Variants in PCDHGC4 observed in about 807,000 individuals in gnomAD.
The protein encoded by PCDHGC4 is protocadherin gamma subfamily C, 4.
Under a neutral mutation model 59.7 loss-of-function variants are expected in PCDHGC4, and 15 were observed. The observed-to-expected ratio is 0.25, with a 90% CI of 0.17 to 0.39. PCDHGC4 has a LOEUF of 0.39. Ranked by LOEUF, PCDHGC4 falls within the 10% of genes least tolerant of loss-of-function variation. The pLI, the probability that PCDHGC4 is intolerant of heterozygous loss-of-function variation, is 1.00. For missense variants in PCDHGC4, 1,016 were observed against 1,189.5 expected (o/e 0.85, Z 2.15); for synonymous variants, 434 against 481.4 (o/e 0.90, Z 1.29).
At position 141,512,630 on chromosome 5, in the gene PCDHGC4, G is replaced by C. The variant is rs1335322474; in HGVS notation, c.*1457G>C. On this transcript the variant is annotated 3_prime_UTR_variant, in exon 4 of 4. Transcript: ENST00000306593. ...GGGGCTGCCAGAGAACCCCAGACCT[G>C]CCCTTACAGTAGTGTAGCGCCCCCT... The C allele has an allele frequency of 6.5e-6, 1 of 152,888 alleles. No individual in the cohort carries two copies. Among genetic ancestry groups the C allele is most frequent in the Non-Finnish European group, 1.5e-5 (1 of 68,576 alleles). 9.5% of individuals were successfully genotyped at this position (152,888 alleles called of 1,614,324 possible).
Position 141,485,113 on chromosome 5 carries a change from T to G in PCDHGC4, c.-61T>G. On this transcript the variant is annotated 5_prime_UTR_variant, in exon 1 of 4. Transcript: ENST00000306593. This position sits in a 1 kb window ranked among gnomAD's most constrained non-coding sequence, Gnocchi z 5.7. ...AGGTGTCTCCAGCTGCTGTGGCTGTTTGGGGCGGGTCGGCTTCATCCGCGT... is the reference window on the plus strand; with the variant it reads ...AGGTGTCTCCAGCTGCTGTGGCTGTGTGGGGCGGGTCGGCTTCATCCGCGT... 1 of 1,286,014 alleles carries G rather than the reference T, an allele frequency of 7.8e-7. No individual in the cohort carries two copies. Among genetic ancestry groups the G allele is most frequent in the Non-Finnish European group, 1.1e-6 (1 of 898,642 alleles). 79.7% of individuals were successfully genotyped at this position (1,286,014 alleles called of 1,614,324 possible). A position where few individuals can be genotyped will look rare whatever the true frequency, so the allele number is the denominator to read the frequency against.
rs1485520054 is a variant in PCDHGC4 at position 141,511,210 on chromosome 5, C to T, written c.*37C>T. 6.2e-7 allele frequency: 1 copy of T among 1,609,328 alleles called. No individual in the cohort carries two copies. The highest frequency in any genetic ancestry group is 1.3e-5 in the African/African-American group (1 of 74,896). ...GGCCAAGAGCCACAGGGCGGCCTCT[C>T]CCCAACCAGCCCAGCTTCTCCTTAC... On this transcript the variant is annotated 3_prime_UTR_variant, in exon 4 of 4. Transcript: ENST00000306593.
chr5:141,497,544 T>C (rs1410779650), intron 2 of PCDHGC4, among the ~76,000 whole-genome samples: 4 of 150,796 alleles, frequency 2.7e-5, no homozygotes, highest in African/African-American at 9.8e-5. Flanking sequence ...ACAAACCTTT[T>C]TTTTTTTTTT....
chr5:141,485,666 A>G lies in PCDHGC4; in HGVS notation c.493A>G (p.Asn165Asp). ...GGCTCAGGATGCAGATGTGGGGAGC[A>G]ATTCGATTAGCAGCTATAGGCTGAG... Reference protein sequence around the residue: ...EKAQDADVGSNSISSYRLSSN... With the variant: ...EKAQDADVGSDSISSYRLSSN... The change falls in exon 1 of 4, where the codon AAT (asparagine) becomes GAT (aspartate). Residue 165 changes from asparagine to aspartate, a missense_variant. Coordinates refer to ENST00000306593, the MANE Select transcript of PCDHGC4 (RefSeq NM_018928.3). The surrounding 1 kb of genome is among the most constrained non-coding windows in gnomAD (Gnocchi z 5.7). 1 of 1,612,786 alleles carries G rather than the reference A, an allele frequency of 6.2e-7. No homozygotes were observed. Among genetic ancestry groups the G allele is most frequent in the Non-Finnish European group, 8.5e-7 (1 of 1,178,960 alleles).
rs375127524 is a variant in PCDHGC4 at position 141,490,702 on chromosome 5, C to T, written c.2442+3087C>T. ...AGATCCAGACACTGGGGATAATGCC[C>T]GCCTCACCTACTCCATTGTAGGAAA... On this transcript the variant is annotated intron_variant, in intron 1 of 3. Coordinates refer to ENST00000306593, the MANE Select transcript of PCDHGC4 (RefSeq NM_018928.3). The surrounding 1 kb of genome is among the most constrained non-coding windows in gnomAD (Gnocchi z 5.4). 36 of 1,614,060 alleles carry T rather than the reference C, an allele frequency of 2.2e-5. No homozygotes were observed. Among genetic ancestry groups the T allele is most frequent in the South Asian group, 7.7e-5 (7 of 91,090 alleles).
At position 141,501,332 on chromosome 5, in the gene PCDHGC4, CA is replaced by C. The variant is rs1257793029; in HGVS notation, c.2502-4060del. 1.8e-3 allele frequency among the ~76,000 whole-genome samples: 265 copies of C among 149,784 alleles called. 1 individual carries two copies. The highest frequency in any genetic ancestry group is 5.2e-3 in the African/African-American group (209 of 40,512). On this transcript the variant is annotated intron_variant, in intron 2 of 3. Transcript: ENST00000306593. Reference sequence around the variant, plus strand: ...ACACACACACACACACACACACACACACCCCAAACTCAATAGGGCAAGAACC... The same window carrying C: ...ACACACACACACACACACACACACACCCCCAAACTCAATAGGGCAAGAACC...
At position 141,490,027 on chromosome 5, in the gene PCDHGC4, C is replaced by T. The variant is rs767829552; in HGVS notation, c.2442+2412C>T. Reference sequence around the variant, plus strand: ...TGCACCCATTGGTACTCTGCTGCTCCGCCTCAATGCCACTGATCCAGACGA... The same window carrying T: ...TGCACCCATTGGTACTCTGCTGCTCTGCCTCAATGCCACTGATCCAGACGA... On this transcript the variant is annotated intron_variant, in intron 1 of 3. Coordinates refer to ENST00000306593, the MANE Select transcript of PCDHGC4 (RefSeq NM_018928.3). This position sits in a 1 kb window ranked among gnomAD's most constrained non-coding sequence, Gnocchi z 5.4. The T allele has an allele frequency of 2.4e-5, 39 of 1,614,096 alleles. No homozygotes were observed. The highest frequency in any genetic ancestry group is 4.0e-5 in the African/African-American group (3 of 74,942).
intron 1 of PCDHGC4, chr5:141,492,027 A>T (rs1157170828): frequency 8.8e-6 from 5 of 565,466 alleles, no homozygotes; most frequent in African/African-American, 7.7e-5. Flanking sequence ...GGGTCCCGGG[A>T]GGAGGCAGTC....
At chr5:141,494,926 G>C in intron 2 of PCDHGC4, 61 bp downstream of exon 2, 2 of 1,613,498 alleles carry the variant, frequency 1.2e-6, no homozygotes, top group Non-Finnish European at 1.7e-6. Context: ...GGATGACGTG[G>C]GAGGAGATGG....
Position 141,490,800 on chromosome 5 carries a change from TACCTTTG to T in PCDHGC4, c.2442+3188_2442+3194del, listed in dbSNP as rs763340907. Reference sequence around the variant, plus strand: ...AGGATGGACGGATCTTTGCCCAGCGTACCTTTGACTATGAATTGCTGCAGATGCTGCA... The same window carrying T: ...AGGATGGACGGATCTTTGCCCAGCGTACTATGAATTGCTGCAGATGCTGCA... On this transcript the variant is annotated intron_variant, in intron 1 of 3. Transcript: ENST00000306593. The surrounding 1 kb of genome is among the most constrained non-coding windows in gnomAD (Gnocchi z 5.4). 2.5e-6 allele frequency: 4 copies of T among 1,613,968 alleles called. No homozygotes were observed. The highest frequency in any genetic ancestry group is 1.7e-6 in the Non-Finnish European group (2 of 1,179,894).
chr5:141,487,802 C>G lies in PCDHGC4; in HGVS notation c.2442+187C>G. On this transcript the variant is annotated intron_variant, in intron 1 of 3. Transcript: ENST00000306593. The surrounding 1 kb of genome is among the most constrained non-coding windows in gnomAD (Gnocchi z 5.0). ...TTTCGTGAATTAACCAGAGTTGTCACAGTTTAGCATTGGGGGCGGGTCATG... is the reference window on the plus strand; with the variant it reads ...TTTCGTGAATTAACCAGAGTTGTCAGAGTTTAGCATTGGGGGCGGGTCATG... 6.8e-7 allele frequency: 1 copy of G among 1,477,424 alleles called. No homozygotes were observed. The allele number at this position is 1,477,424 out of a possible 1,614,324, so 91.5% of individuals were successfully genotyped here.
chr5:141,497,512 T>C (rs903352739), intron 2 of PCDHGC4, among the ~76,000 whole-genome samples: 2 of 151,896 alleles, frequency 1.3e-5, no homozygotes, highest in Admixed American at 1.3e-4. Flanking sequence ...TCTGCTTCCT[T>C]AGTTAACTTG....
intron 3 of PCDHGC4, among the ~76,000 whole-genome samples, chr5:141,509,440 C>T (rs1036780108): frequency 2.0e-5 from 3 of 152,158 alleles, no homozygotes; most frequent in Non-Finnish European, 4.4e-5. Flanking sequence ...CTTGTTTCCT[C>T]CTCTCCCACC....
Position 141,489,088 on chromosome 5 carries a change from G to GCCA in PCDHGC4, c.2442+1473_2442+1474insCCA. ...CCCCTGCCCACCCCCGCCACTCGGTGACTAAGAACTGCTGCAAGCAGGCAA... is the reference window on the plus strand; with the variant it reads ...CCCCTGCCCACCCCCGCCACTCGGTGCCAACTAAGAACTGCTGCAAGCAGGCAA... On this transcript the variant is annotated intron_variant, in intron 1 of 3. Coordinates refer to ENST00000306593, the MANE Select transcript of PCDHGC4 (RefSeq NM_018928.3). This position sits in a 1 kb window ranked among gnomAD's most constrained non-coding sequence, Gnocchi z 4.5. The GCCA allele has an allele frequency of 2.9e-6, 1 of 347,238 alleles. No individual in the cohort carries two copies. 21.5% of individuals were successfully genotyped at this position (347,238 alleles called of 1,614,324 possible). A position where few individuals can be genotyped will look rare whatever the true frequency, so the allele number is the denominator to read the frequency against.
intron 2 of PCDHGC4, among the ~76,000 whole-genome samples, chr5:141,502,832 G>T (rs1266910323): frequency 6.6e-6 from 1 of 150,516 alleles, no homozygotes; most frequent in Non-Finnish European, 1.5e-5. Context: ...GGGGAAGCCT[G>T]GACTGGCTGA....
rs1368632691 is a variant in PCDHGC4 at position 141,485,071 on chromosome 5, C to A, written c.-103C>A. ...GCCGGCCGAACCGCGCCAGAGCTGG[C>A]GCGGGGAAAGGGAGATAGGTGTCTC... On this transcript the variant is annotated 5_prime_UTR_variant, in exon 1 of 4. Coordinates refer to ENST00000306593, the MANE Select transcript of PCDHGC4 (RefSeq NM_018928.3). This position sits in a 1 kb window ranked among gnomAD's most constrained non-coding sequence, Gnocchi z 5.7. 3.3e-6 allele frequency: 3 copies of A among 913,030 alleles called. No individual in the cohort carries two copies. Among genetic ancestry groups the A allele is most frequent in the Non-Finnish European group, 5.1e-6 (3 of 584,604 alleles). 56.6% of individuals were successfully genotyped at this position (913,030 alleles called of 1,614,324 possible).
At chr5:141,496,373 C>T (rs1315450867) in intron 2 of PCDHGC4, among the ~76,000 whole-genome samples, 2 of 152,216 alleles carry the variant, frequency 1.3e-5, no homozygotes. Flanking sequence ...GAAGCAGGAG[C>T]TTGGGCCACC....
chr5:141,485,511 C>G lies in PCDHGC4; in HGVS notation c.338C>G (p.Pro113Arg), dbSNP rs1168331122. The G allele has an allele frequency of 1.2e-6, 2 of 1,614,042 alleles. No individual in the cohort carries two copies. Among genetic ancestry groups the G allele is most frequent in the Non-Finnish European group, 1.7e-6 (2 of 1,180,038 alleles). The change falls in exon 1 of 4, where the codon CCT becomes CGT. Residue 113 changes from proline (P) to arginine (R), a missense_variant. Transcript: ENST00000306593. The surrounding 1 kb of genome is among the most constrained non-coding windows in gnomAD (Gnocchi z 5.7). Reference sequence around the variant, plus strand: ...CCCCTGGAGTTTGTCACCGAAGGTCCTTTGGAAATGTACCGAGCAGAGGTA... The same window carrying G: ...CCCCTGGAGTTTGTCACCGAAGGTCGTTTGGAAATGTACCGAGCAGAGGTA... ...IVPLEFVTEGPLEMYRAEVEI... is the reference protein window; with the variant it reads ...IVPLEFVTEGRLEMYRAEVEI...
intron 2 of PCDHGC4, among the ~76,000 whole-genome samples, chr5:141,503,010 A>ATT (rs199924715): frequency 4.8e-5 from 7 of 146,772 alleles, no homozygotes; most frequent in East Asian, 2.0e-4. Context: ...TGCCCGGTTA[A>ATT]TTTTTTTTTT....
Sources: allele counts gnomAD v4.1 joint callset (sites outside exome capture counted in the v4.1 genomes callset), GRCh38; gene constraint gnomAD v4.1.1; non-coding constraint Gnocchi (gnomAD v3.1); transcripts MANE v1.5; gene names NCBI Gene and HGNC (gene_info 2026-07-23, HGNC 2026-07-21).